ABR: variants seen among roughly 807,000 people sequenced by gnomAD.
The protein encoded by ABR is ABR activator of RhoGEF and GTPase.
ABR carries 35 observed loss-of-function variants against 107.2 expected under a neutral mutation model. The ratio of observed to expected loss-of-function variants is 0.33; its 90% CI spans 0.25 to 0.43. The LOEUF is 0.43. ABR is among the 20% of genes least tolerant of loss of function. ABR has a pLI of 1.00. For missense variants in ABR, 815 were observed against 1,115.2 expected (o/e 0.73, Z 3.83); for synonymous variants, 498 against 462.0 (o/e 1.08, Z -1.00).
At chr17:1,012,625 G>T (rs1319873177) in intron 18 of ABR, 63 bp downstream of exon 18, 1 of 1,265,098 alleles carries the variant, frequency 7.9e-7, no homozygotes, top group Non-Finnish European at 1.1e-6. Context: ...GGGCTGGGGG[G>T]CCCGGGCTGG....
In ABR at chr17:1,051,474, C is replaced by T. The variant is rs1276649606; in HGVS notation, c.1562-840G>A. On this transcript the variant is annotated intron_variant, in intron 14 of 22. Coordinates refer to ENST00000302538, the MANE Select transcript of ABR (RefSeq NM_021962.5). This position sits in a 1 kb window ranked among gnomAD's most constrained non-coding sequence, Gnocchi z 4.3. Reference sequence around the variant, plus strand: ...TTTCCCCGGCATTTCCATCTTCCACCCTGGCCTTCAGGCTGAAAATCTACC... The same window carrying T: ...TTTCCCCGGCATTTCCATCTTCCACTCTGGCCTTCAGGCTGAAAATCTACC... Among the ~76,000 whole-genome samples the T allele has an allele frequency of 6.6e-6, 1 of 152,186 alleles. No individual in the cohort carries two copies. The highest frequency in any genetic ancestry group is 1.5e-5 in the Non-Finnish European group (1 of 68,030).
At position 1,069,011 on chromosome 17, in the gene ABR, G is replaced by C. The variant is rs2258271; in HGVS notation, c.1016+958C>G. Among the ~76,000 whole-genome samples, 695 of 152,342 alleles carry C rather than the reference G, an allele frequency of 4.6e-3. 5 individuals carry two copies. Among genetic ancestry groups the C allele is most frequent in the African/African-American group, 0.015 (639 of 41,578 alleles). The stretch of plus-strand genomic sequence containing the variant: ...CAGCACTGCAGTTAGCAGAAATTCA[G>C]AGATGTCTAATAAAAGGAGAATGCT... On this transcript the variant is annotated intron_variant, in intron 9 of 22. Coordinates refer to ENST00000302538, the MANE Select transcript of ABR (RefSeq NM_021962.5).
At chr17:1,038,287 G>A (rs193122552) in intron 16 of ABR, among the ~76,000 whole-genome samples, 51 of 152,152 alleles carry the variant, frequency 3.4e-4, no homozygotes, top group African/African-American at 4.3e-4. Context: ...GCTCTCCCTC[G>A]GGGTGGGGGA....
intron 1 of ABR, among the ~76,000 whole-genome samples, chr17:1,139,919 G>A (rs921052255): frequency 1.1e-4 from 16 of 152,168 alleles, no homozygotes; most frequent in African/African-American, 3.6e-4. Flanking sequence ...CAGAATGGGG[G>A]CAGGACGCAG....
chr17:1,161,419 T>A (rs112653799), intron 1 of ABR, among the ~76,000 whole-genome samples: 3 of 20,610 alleles, frequency 1.5e-4, no homozygotes, highest in Admixed American at 5.2e-4. Flanking sequence ...TTTTTTAAAA[T>A]TTTTTTTGTA....
At chr17:1,017,097 T>C (rs1443808847) in intron 16 of ABR, among the ~76,000 whole-genome samples, 4 of 151,996 alleles carry the variant, frequency 2.6e-5, no homozygotes, top group Non-Finnish European at 5.9e-5. Context: ...GTTGGGTGTG[T>C]GCAGAGAACC....
intron 16 of ABR, among the ~76,000 whole-genome samples, chr17:1,035,883 C>T (rs1275204211): frequency 6.6e-6 from 1 of 151,066 alleles, no homozygotes; most frequent in Non-Finnish European, 1.5e-5. Flanking sequence ...CCACCCAGCA[C>T]AGCTGTGACT....
At chr17:1,164,860 T>C (rs1422344437) in intron 1 of ABR, among the ~76,000 whole-genome samples, 1 of 151,914 alleles carries the variant, frequency 6.6e-6, no homozygotes, top group Admixed American at 6.6e-5. Flanking sequence ...TACAGACAAG[T>C]TCTCTCTATG....
intron 14 of ABR, among the ~76,000 whole-genome samples, chr17:1,052,235 C>A (rs753579933): frequency 6.6e-6 from 1 of 151,644 alleles, no homozygotes; most frequent in Non-Finnish European, 1.5e-5. Context: ...CCCTGAGCAC[C>A]CCAGCCTGGG....
intron 1 of ABR, among the ~76,000 whole-genome samples, chr17:1,170,411 G>A (rs1432708554): frequency 6.6e-6 from 1 of 152,076 alleles, no homozygotes; most frequent in African/African-American, 2.4e-5. Context: ...CTGCGACCTT[G>A]AATTAATTAA....
At chr17:1,208,677 G>A (rs1026874690) in intron 1 of ABR, among the ~76,000 whole-genome samples, 11 of 152,100 alleles carry the variant, frequency 7.2e-5, no homozygotes, top group South Asian at 4.2e-4. Flanking sequence ...TCACGAGGTC[G>A]GGAGATCGAA....
intron 1 of ABR, among the ~76,000 whole-genome samples, chr17:1,206,721 C>G (rs978108917): frequency 1.3e-5 from 2 of 152,050 alleles, no homozygotes; most frequent in Non-Finnish European, 2.9e-5. Flanking sequence ...ACCAGCTCAC[C>G]AGATATTGGG....
chr17:1,143,631 G>A (rs1445376112), intron 1 of ABR, among the ~76,000 whole-genome samples: 1 of 152,138 alleles, frequency 6.6e-6, no homozygotes, highest in African/African-American at 2.4e-5. Context: ...CCATGGGCGG[G>A]TGTTATGGCC....
chr17:1,185,417 A>T (rs1479259831), intron 1 of ABR, among the ~76,000 whole-genome samples: 2 of 152,040 alleles, frequency 1.3e-5, no homozygotes, highest in African/African-American at 4.8e-5. Flanking sequence ...GGCCGAGGCC[A>T]GCGGGTCACC....
intron 1 of ABR, among the ~76,000 whole-genome samples, chr17:1,145,360 T>G (rs572989584): frequency 9.8e-5 from 15 of 152,348 alleles, no homozygotes; most frequent in Admixed American, 3.9e-4. Context: ...TCAGCCTACT[T>G]CCTGCTTCCC....
At chr17:1,172,765 G>A (rs187963319) in intron 1 of ABR, among the ~76,000 whole-genome samples, 2 of 151,594 alleles carry the variant, frequency 1.3e-5, no homozygotes, top group Non-Finnish European at 2.9e-5. Flanking sequence ...AAAAAGAAAA[G>A]AAAAGCAAGC....
intron 1 of ABR, among the ~76,000 whole-genome samples, chr17:1,140,443 C>T (rs535255717): frequency 1.3e-5 from 2 of 152,284 alleles, no homozygotes; most frequent in South Asian, 2.1e-4. Flanking sequence ...CCAGCGGAAG[C>T]GAGGCTGCCA....
At chr17:1,114,905 C>T (rs985306529) in intron 2 of ABR, among the ~76,000 whole-genome samples, 2 of 152,200 alleles carry the variant, frequency 1.3e-5, no homozygotes, top group Admixed American at 1.3e-4. Context: ...TACTGAGCAC[C>T]TACTGTGTGC....
At position 1,050,239 on chromosome 17, in the gene ABR, C is replaced by A; in HGVS notation, c.1660-58G>T. Reference sequence around the variant, plus strand: ...TCCGAAGCTGGGAGGCCTGGCTTTCCGGCAGGTGCGTGCCTCAGCTTTGCA... The same window carrying A: ...TCCGAAGCTGGGAGGCCTGGCTTTCAGGCAGGTGCGTGCCTCAGCTTTGCA... On this transcript the variant is annotated intron_variant, in intron 15 of 22. Transcript: ENST00000302538. The surrounding 1 kb of genome is among the most constrained non-coding windows in gnomAD (Gnocchi z 4.6). 1 of 1,571,688 alleles carries A rather than the reference C, an allele frequency of 6.4e-7. No homozygotes were observed. Among genetic ancestry groups the A allele is most frequent in the Non-Finnish European group, 8.6e-7 (1 of 1,163,112 alleles).
Sources: gnomAD v4.1 joint callset for allele counts (sites outside exome capture counted in the v4.1 genomes callset) on GRCh38, gnomAD v4.1.1 for gene constraint, Gnocchi (gnomAD v3.1) non-coding constraint, MANE v1.5 for transcripts, NCBI Gene and HGNC (gene_info 2026-07-23, HGNC 2026-07-21) for gene names.